LRRC4C: variants seen among roughly 807,000 people sequenced by gnomAD.
LRRC4C encodes the protein leucine rich repeat containing 4C.
LRRC4C carries 5 observed loss-of-function variants against 33.6 expected under a neutral mutation model. That is an observed-to-expected ratio of 0.15 (90% confidence interval 0.08 to 0.31). The LOEUF (loss-of-function observed/expected upper bound fraction) is 0.31. LRRC4C is among the 10% of genes least tolerant of loss of function. LRRC4C has a pLI of 1.00. For synonymous variants in LRRC4C, 329 were observed against 302.0 expected, an observed-to-expected ratio of 1.09 and a Z score of -0.93; for missense variants, 560 against 796.7, an observed-to-expected ratio of 0.70 and a Z score of 3.58.
intron 3 of LRRC4C, among the ~76,000 whole-genome samples, chr11:40,469,345 C>T (rs61581751): frequency 5.8e-4 from 88 of 152,256 alleles, no homozygotes; most frequent in African/African-American, 1.9e-3. Flanking sequence ...TGGTGATATC[C>T]GGCCCATATA....
intron 2 of LRRC4C, among the ~76,000 whole-genome samples, chr11:40,667,349 C>T (rs1296946777): frequency 6.6e-6 from 1 of 152,000 alleles, no homozygotes; most frequent in Non-Finnish European, 1.5e-5. Context: ...GAAAGACCAC[C>T]CAGAGGAATA....
intron 3 of LRRC4C, among the ~76,000 whole-genome samples, chr11:40,465,226 A>G (rs1010154510): frequency 1.3e-5 from 2 of 152,106 alleles, no homozygotes; most frequent in Non-Finnish European, 1.5e-5. Context: ...ACCCCGTTCA[A>G]TAAATGGTGC....
intron 1 of LRRC4C, among the ~76,000 whole-genome samples, chr11:41,281,008 CTTATT>C (rs1454155471): frequency 6.8e-6 from 1 of 146,986 alleles, no homozygotes; most frequent in East Asian, 2.1e-4. Context: ...TTTTTTCCAT[CTTATT>C]TTAAGATAAT....
At chr11:40,784,823 G>T (rs1039370066) in intron 2 of LRRC4C, among the ~76,000 whole-genome samples, 2 of 152,018 alleles carry the variant, frequency 1.3e-5, no homozygotes, top group Non-Finnish European at 2.9e-5. Flanking sequence ...AGTTTTTAAG[G>T]TGCATACAAC....
At chr11:40,330,745 A>G (rs1257159971) in intron 3 of LRRC4C, among the ~76,000 whole-genome samples, 1 of 152,118 alleles carries the variant, frequency 6.6e-6, no homozygotes, top group Non-Finnish European at 1.5e-5. Context: ...AACCAACCCC[A>G]TGATTCAGTT....
At chr11:40,446,630 AT>A (rs1369384191) in intron 3 of LRRC4C, 1 of 152,130 alleles carries the variant, frequency 6.6e-6, no homozygotes, top group Non-Finnish European at 1.5e-5. Context: ...AGACTAGGTA[AT>A]TTACAAAGAA....
chr11:40,355,319 C>T (rs563147938), intron 3 of LRRC4C, among the ~76,000 whole-genome samples: 1 of 152,230 alleles, frequency 6.6e-6, no homozygotes, highest in Admixed American at 6.5e-5. Context: ...CCCTTAGCCA[C>T]CACTGCTGGT....
intron 1 of LRRC4C, among the ~76,000 whole-genome samples, chr11:41,122,097 A>G (rs1942465350): frequency 6.6e-6 from 1 of 152,136 alleles, no homozygotes; most frequent in African/African-American, 2.4e-5. Flanking sequence ...GGAGAGATGC[A>G]AAAGCAAAAA....
chr11:41,209,531 G>A (rs12225813), intron 1 of LRRC4C, among the ~76,000 whole-genome samples: 1 of 151,858 alleles, frequency 6.6e-6, no homozygotes, highest in Admixed American at 6.6e-5. Context: ...TGTAATCCCA[G>A]CTACTCGGGA....
chr11:40,347,629 A>G (rs1947193486), intron 3 of LRRC4C, among the ~76,000 whole-genome samples: 1 of 152,150 alleles, frequency 6.6e-6, no homozygotes, highest in Non-Finnish European at 1.5e-5. Flanking sequence ...TTGTTTTGAG[A>G]CGGAGTTTCG....
intron 3 of LRRC4C, among the ~76,000 whole-genome samples, chr11:40,599,434 C>A (rs1212935825): frequency 6.6e-6 from 1 of 152,070 alleles, no homozygotes; most frequent in African/African-American, 2.4e-5. Context: ...GGAGACAGAG[C>A]GAGACCCTGT....
At chr11:41,448,245 G>T (rs1312501084) in intron 1 of LRRC4C, among the ~76,000 whole-genome samples, 1 of 147,176 alleles carries the variant, frequency 6.8e-6, no homozygotes, top group African/African-American at 2.5e-5. Context: ...AAATATATGT[G>T]GTGTCATTAA....
intron 2 of LRRC4C, among the ~76,000 whole-genome samples, chr11:40,783,470 T>C (rs963214066): frequency 1.3e-5 from 2 of 151,562 alleles, no homozygotes; most frequent in Non-Finnish European, 2.9e-5. Context: ...TATTTGTTTC[T>C]TTTTTTATTT....
intron 1 of LRRC4C, among the ~76,000 whole-genome samples, chr11:41,445,678 A>G (rs1565679593): frequency 6.6e-6 from 1 of 152,162 alleles, no homozygotes; most frequent in South Asian, 2.1e-4. Context: ...TTTAATCTTC[A>G]GCCTTCCCAT....
intron 5 of LRRC4C, among the ~76,000 whole-genome samples, chr11:40,159,614 C>A (rs1453681039): frequency 1.3e-5 from 2 of 152,138 alleles, no homozygotes; most frequent in African/African-American, 4.8e-5. Context: ...TGTGCTTATG[C>A]ATATTAAAAT....
At chr11:40,716,897 T>G (rs1279497771) in intron 2 of LRRC4C, among the ~76,000 whole-genome samples, 4 of 152,152 alleles carry the variant, frequency 2.6e-5, no homozygotes, top group African/African-American at 7.2e-5. Flanking sequence ...ATTCTGAAGC[T>G]TGGCTGTGTC....
chr11:40,529,558 C>T (rs59638407), intron 3 of LRRC4C, among the ~76,000 whole-genome samples: 13,366 of 151,976 alleles, frequency 0.088, 1,664 homozygotes, highest in African/African-American at 0.28. Context: ...GACTGCTGCC[C>T]AGAGGTCAAG....
At chr11:40,807,483 A>G (rs114455901) in intron 2 of LRRC4C, among the ~76,000 whole-genome samples, 2,137 of 133,326 alleles carry the variant, frequency 0.016, 59 homozygotes, top group African/African-American at 0.064. Context: ...CTTTACTCCA[A>G]CATTGACCTT....
chr11:40,502,797 G>T (rs1053992485), intron 3 of LRRC4C, among the ~76,000 whole-genome samples: 1 of 151,858 alleles, frequency 6.6e-6, no homozygotes, highest in African/African-American at 2.4e-5. Flanking sequence ...ATCACGACTT[G>T]GTTTATTTCT....
Sources: allele counts gnomAD v4.1 joint callset (sites outside exome capture counted in the v4.1 genomes callset), GRCh38; gene constraint gnomAD v4.1.1; transcripts MANE v1.5; gene names NCBI Gene and HGNC (gene_info 2026-07-23, HGNC 2026-07-21).